Variants in TPRG1 observed in about 807,000 individuals in gnomAD.
TPRG1 encodes the protein tumor protein p63 regulated 1.
A neutral mutation model predicts 29.3 loss-of-function variants in TPRG1; 29 were observed. The ratio of observed to expected loss-of-function variants is 0.99; its 90% CI spans 0.74 to 1.35. The LOEUF (loss-of-function observed/expected upper bound fraction) is 1.35, where lower values mean the gene tolerates loss of function less well. Among genes scored for constraint, TPRG1 ranks in the 40% most tolerant of loss-of-function variants. TPRG1 has a pLI of 0.00. For synonymous variants in TPRG1, 130 were observed against 116.8 expected, an observed-to-expected ratio of 1.11 and a Z score of -0.73; for missense variants, 327 against 335.0, an observed-to-expected ratio of 0.98 and a Z score of 0.19.
intron 3 of TPRG1, among the ~76,000 whole-genome samples, chr3:189,023,002 C>T (rs1039293619): frequency 1.4e-4 from 21 of 152,290 alleles, no homozygotes; most frequent in African/African-American, 3.4e-4. Flanking sequence ...AGGTGCCGTC[C>T]GTCACCCCTT....
chr3:189,280,002 C>T (rs935240029), intron 4 of TPRG1, among the ~76,000 whole-genome samples: 12 of 152,094 alleles, frequency 7.9e-5, no homozygotes, highest in African/African-American at 2.2e-4. Context: ...AACCTCTGAG[C>T]GGGATTGGTA....
At chr3:189,085,158 G>A (rs1717846897) in intron 4 of TPRG1, among the ~76,000 whole-genome samples, 1 of 152,084 alleles carries the variant, frequency 6.6e-6, no homozygotes, top group Admixed American at 6.6e-5. Flanking sequence ...CAAAACAAAA[G>A]CGAAAAGCAA....
At chr3:189,031,300 AAAG>A (rs777825210) in intron 4 of TPRG1, among the ~76,000 whole-genome samples, 763 of 58,748 alleles carry the variant, frequency 0.013, 2 homozygotes, top group Middle Eastern at 0.026. Context: ...TAAAAAAAAA[AAAG>A]AAAAATTAAA....
intron 1 of TPRG1, among the ~76,000 whole-genome samples, chr3:189,189,620 T>A (rs7645779): frequency 0.12 from 17,828 of 152,214 alleles, 1,293 homozygotes; most frequent in African/African-American, 0.19. Flanking sequence ...TATGCTGGCT[T>A]GCCCCATTTA....
intron 4 of TPRG1, among the ~76,000 whole-genome samples, chr3:189,036,392 T>C (rs1255983342): frequency 1.3e-5 from 2 of 152,054 alleles, no homozygotes; most frequent in Non-Finnish European, 2.9e-5. Context: ...AATTTACACA[T>C]GTAAGAAACC....
upstream of TPRG1, among the ~76,000 whole-genome samples, chr3:189,097,818 C>A (rs894136510): frequency 6.6e-6 from 1 of 152,088 alleles, no homozygotes; most frequent in Admixed American, 6.5e-5. Flanking sequence ...AATAATTGGA[C>A]CTTGTGTCTT....
chr3:189,114,220 G>A (rs1720908161), intron 1 of TPRG1, among the ~76,000 whole-genome samples: 1 of 152,098 alleles, frequency 6.6e-6, no homozygotes, highest in South Asian at 2.1e-4. Flanking sequence ...TAGATGGAAG[G>A]AAACCAACAT....
intron 3 of TPRG1, among the ~76,000 whole-genome samples, chr3:189,015,711 C>A (rs897319615): frequency 6.6e-6 from 1 of 152,166 alleles, no homozygotes; most frequent in Non-Finnish European, 1.5e-5. Context: ...GGCCAGGATA[C>A]AGCTTGGGCC....
At chr3:189,196,117 AC>A (rs1168689901) in intron 1 of TPRG1, among the ~76,000 whole-genome samples, 5 of 152,112 alleles carry the variant, frequency 3.3e-5, no homozygotes, top group Admixed American at 6.5e-5. Flanking sequence ...GGAGCCTGAA[AC>A]CCTACTGCTT....
chr3:189,271,907 GA>G (rs1715199624), intron 4 of TPRG1, among the ~76,000 whole-genome samples: 1 of 152,194 alleles, frequency 6.6e-6, no homozygotes, highest in Non-Finnish European at 1.5e-5. Context: ...TAAAAATAGA[GA>G]TAAAAAGCAA....
At chr3:189,138,886 C>G (rs907752970) in intron 3 of TPRG1, among the ~76,000 whole-genome samples, 1 of 152,210 alleles carries the variant, frequency 6.6e-6, no homozygotes, top group East Asian at 1.9e-4. Context: ...TCAGGGAGGG[C>G]TCTAGGTGAA....
In TPRG1 at chr3:189,062,236, CG is replaced by C. The variant is rs200023185; in HGVS notation, c.-463+38291del. ...TCGCTTGTAAGTAGGAGCTAAATGA[CG>C]AGGACCTGTGAACACAAAGAAGGGA... On this transcript the variant is annotated intron_variant, in intron 4 of 10. Transcript: ENST00000433971. Among the ~76,000 whole-genome samples, 1,106 of 152,034 alleles carry C rather than the reference CG, an allele frequency of 7.3e-3. 11 individuals carry two copies. The highest frequency in any genetic ancestry group is 0.026 in the African/African-American group (1,061 of 41,496).
chr3:189,251,832 C>T (rs866930188), intron 4 of TPRG1, among the ~76,000 whole-genome samples: 7 of 152,232 alleles, frequency 4.6e-5, no homozygotes, highest in East Asian at 3.9e-4. Flanking sequence ...TGCCCAGGGA[C>T]GGGCAGGAGA....
chr3:189,079,445 T>C (rs989385704), intron 4 of TPRG1, among the ~76,000 whole-genome samples: 1 of 152,232 alleles, frequency 6.6e-6, no homozygotes, highest in Non-Finnish European at 1.5e-5. Context: ...AGACCATGGC[T>C]TCTATATCCA....
chr3:189,166,149 A>G (rs1187021563), intron 5 of TPRG1, among the ~76,000 whole-genome samples: 2 of 152,228 alleles, frequency 1.3e-5, no homozygotes, highest in African/African-American at 4.8e-5. Flanking sequence ...TTCCCTTTAA[A>G]CTTCAGACAT....
intron 4 of TPRG1, among the ~76,000 whole-genome samples, chr3:189,284,531 A>G (rs1173222372): frequency 6.6e-6 from 1 of 152,058 alleles, no homozygotes; most frequent in African/African-American, 2.4e-5. Flanking sequence ...AAAGGACGTG[A>G]ACTCATCATT....
At chr3:189,137,310 G>C (rs980741505) in intron 3 of TPRG1, among the ~76,000 whole-genome samples, 1 of 148,368 alleles carries the variant, frequency 6.7e-6, no homozygotes, top group Non-Finnish European at 1.5e-5. Context: ...GTGTGTGTGT[G>C]TGTGTGTGTG....
intron 4 of TPRG1, among the ~76,000 whole-genome samples, chr3:189,285,031 A>G (rs1318815344): frequency 6.6e-6 from 1 of 152,194 alleles, no homozygotes; most frequent in African/African-American, 2.4e-5. Context: ...AATTTTTGCA[A>G]TCTACTCATC....
chr3:189,257,396 C>T (rs1261579265), intron 4 of TPRG1, among the ~76,000 whole-genome samples: 1 of 152,170 alleles, frequency 6.6e-6, no homozygotes, highest in Admixed American at 6.5e-5. Flanking sequence ...ATGGGCTTCC[C>T]TTTGTGGGTA....
Sources: gnomAD v4.1 joint callset for allele counts (sites outside exome capture counted in the v4.1 genomes callset) on GRCh38, gnomAD v4.1.1 for gene constraint, MANE v1.5 for transcripts, NCBI Gene and HGNC (gene_info 2026-07-23, HGNC 2026-07-21) for gene names.